Variants in SYNPR observed in about 807,000 individuals in gnomAD.
SYNPR encodes the protein synaptoporin.
SYNPR carries 23 observed loss-of-function variants against 32.9 expected under a neutral mutation model. That is an observed-to-expected ratio of 0.70 (90% CI 0.50 to 0.99). SYNPR has a LOEUF of 0.99. Ranked by LOEUF, SYNPR falls within the 50% of genes least tolerant of loss-of-function variation. The pLI is 0.00. For synonymous variants in SYNPR, 146 were observed against 135.9 expected, an observed-to-expected ratio of 1.07 and a Z score of -0.52; for missense variants, 318 against 349.3, an observed-to-expected ratio of 0.91 and a Z score of 0.71.
intron 2 of SYNPR, among the ~76,000 whole-genome samples, chr3:63,477,115 G>A (rs1170391146): frequency 6.6e-6 from 1 of 152,154 alleles, no homozygotes; most frequent in Admixed American, 6.5e-5. Context: ...ATGTAAGGAG[G>A]AATGGTTGGG....
chr3:63,382,036 T>C (rs143412552), intron 2 of SYNPR, among the ~76,000 whole-genome samples: 95 of 152,350 alleles, frequency 6.2e-4, no homozygotes, highest in African/African-American at 2.3e-3. Flanking sequence ...TTTTTAAACA[T>C]TTCTTTTAAA....
intron 4 of SYNPR, among the ~76,000 whole-genome samples, chr3:63,602,185 C>A (rs556102518): frequency 6.6e-6 from 1 of 151,764 alleles, no homozygotes; most frequent in Admixed American, 6.6e-5. Flanking sequence ...CACTTTTTAA[C>A]GGGGTTCTTT....
chr3:63,525,353 T>C (rs1380134680), intron 3 of SYNPR, among the ~76,000 whole-genome samples: 1 of 152,192 alleles, frequency 6.6e-6, no homozygotes, highest in Non-Finnish European at 1.5e-5. Context: ...AGAACTTACT[T>C]GGGTGAATTA....
At chr3:63,582,873 T>C (rs555569346) in intron 4 of SYNPR, among the ~76,000 whole-genome samples, 1 of 152,038 alleles carries the variant, frequency 6.6e-6, no homozygotes, top group Admixed American at 6.6e-5. Flanking sequence ...ATAGTACCTA[T>C]CCTATCACTG....
intron 3 of SYNPR, among the ~76,000 whole-genome samples, chr3:63,544,108 T>C (rs2135222): frequency 0.13 from 20,472 of 152,052 alleles, 1,528 homozygotes; most frequent in Middle Eastern, 0.22. Flanking sequence ...CTCTGATTTA[T>C]GCTTTTGAAA....
chr3:63,484,374 C>T (rs1437871420), intron 3 of SYNPR, among the ~76,000 whole-genome samples: 1 of 152,034 alleles, frequency 6.6e-6, no homozygotes, highest in African/African-American at 2.4e-5. Context: ...ATTTTTGGTA[C>T]TTCCTTTATG....
rs561412920 is a variant in SYNPR, at chr3:63,314,899, T to C, written c.84+36157T>C. ...CTAAATCATCTAAATCCAGCTTGAGTTGATTTTTTTATACAGTGAGAGATG... is the reference window on the plus strand; with the variant it reads ...CTAAATCATCTAAATCCAGCTTGAGCTGATTTTTTTATACAGTGAGAGATG... On this transcript the variant is annotated intron_variant, in intron 2 of 5. Transcript: ENST00000478300. Among the ~76,000 whole-genome samples, 6 of 152,156 alleles carry C rather than the reference T, an allele frequency of 3.9e-5. No homozygotes were observed. In the South Asian group the frequency reaches 1.2e-3, roughly 32 times the overall value.
intron 2 of SYNPR, among the ~76,000 whole-genome samples, chr3:63,431,533 C>A (rs551918786): frequency 7.7e-4 from 117 of 152,098 alleles, no homozygotes; most frequent in Non-Finnish European, 1.5e-3. Flanking sequence ...TGAGAAAAAA[C>A]TAAAAAGGAT....
intron 4 of SYNPR, among the ~76,000 whole-genome samples, chr3:63,560,558 G>A (rs1272698641): frequency 6.6e-6 from 1 of 152,176 alleles, no homozygotes; most frequent in East Asian, 1.9e-4. Context: ...GATGGCTACT[G>A]TATTAGTCCA....
intron 2 of SYNPR, among the ~76,000 whole-genome samples, chr3:63,290,787 C>T (rs955113970): frequency 9.2e-5 from 14 of 152,058 alleles, no homozygotes; most frequent in Non-Finnish European, 1.3e-4. Context: ...GTGTGTGAGT[C>T]GTCATTCTTT....
chr3:63,274,417 G>T (rs1399821784), upstream of SYNPR, among the ~76,000 whole-genome samples: 1 of 152,056 alleles, frequency 6.6e-6, no homozygotes. Flanking sequence ...TTTCCTATGA[G>T]AACAAGATTT....
At chr3:63,492,862 TA>T (rs1701281623) in intron 3 of SYNPR, among the ~76,000 whole-genome samples, 1 of 152,038 alleles carries the variant, frequency 6.6e-6, no homozygotes. Flanking sequence ...TTTTCTTTCC[TA>T]GAATAGGAAA....
At chr3:63,322,045 T>C (rs1202640759) in intron 2 of SYNPR, among the ~76,000 whole-genome samples, 1 of 152,006 alleles carries the variant, frequency 6.6e-6, no homozygotes, top group Non-Finnish European at 1.5e-5. Flanking sequence ...ATTAGGTCTA[T>C]TGCAACAGTA....
intron 1 of SYNPR, among the ~76,000 whole-genome samples, chr3:63,244,888 G>C (rs2086273178): frequency 6.6e-6 from 1 of 151,988 alleles, no homozygotes; most frequent in African/African-American, 2.4e-5. Flanking sequence ...CATTCATTTT[G>C]CCTACAGAAA....
chr3:63,339,341 G>A (rs1214140227), intron 2 of SYNPR, among the ~76,000 whole-genome samples: 1 of 152,088 alleles, frequency 6.6e-6, no homozygotes, highest in Non-Finnish European at 1.5e-5. Context: ...TTTGTGGTGT[G>A]TTTTCATTTT....
intron 2 of SYNPR, among the ~76,000 whole-genome samples, chr3:63,470,528 G>A (rs777263470): frequency 6.6e-6 from 1 of 152,208 alleles, no homozygotes; most frequent in Non-Finnish European, 1.5e-5. Context: ...GCACAGGGCT[G>A]TCTAGGAAGT....
intron 2 of SYNPR, among the ~76,000 whole-genome samples, chr3:63,264,207 C>T (rs1232522821): frequency 4.6e-5 from 7 of 152,038 alleles, no homozygotes; most frequent in South Asian, 4.2e-4. Flanking sequence ...GTAAAGAACC[C>T]AGGGGTTCCA....
chr3:63,588,673 A>C (rs1161180520), intron 4 of SYNPR, among the ~76,000 whole-genome samples: 2 of 152,236 alleles, frequency 1.3e-5, no homozygotes, highest in Middle Eastern at 3.4e-3. Flanking sequence ...TTTTTTGGAA[A>C]GGATGCTATT....
intron 2 of SYNPR, among the ~76,000 whole-genome samples, chr3:63,362,502 T>G (rs887577510): frequency 5.3e-5 from 8 of 151,940 alleles, no homozygotes; most frequent in Admixed American, 1.3e-4. Flanking sequence ...GAAAAAAAAA[T>G]GGAGCCTACC....
Sources: gnomAD v4.1 joint callset for allele counts (sites outside exome capture counted in the v4.1 genomes callset) on GRCh38, gnomAD v4.1.1 for gene constraint, MANE v1.5 for transcripts, NCBI Gene and HGNC (gene_info 2026-07-23, HGNC 2026-07-21) for gene names.